The following GMDS variants were observed in gnomAD, a reference collection of about 807,000 sequenced individuals.
GMDS encodes the protein GDP-mannose 4,6 dehydratase.
In GMDS, 20 loss-of-function variants were observed where a neutral mutation model predicts 49.9. The observed-to-expected ratio is 0.40, with a 90% CI of 0.28 to 0.58. GMDS has a LOEUF of 0.58. Ranked by LOEUF, GMDS falls within the 20% of genes least tolerant of loss-of-function variation. The pLI is 0.42. For missense variants in GMDS, 362 were observed against 481.4 expected (o/e 0.75, Z 2.32); for synonymous variants, 177 against 178.6 (o/e 0.99, Z 0.07).
At chr6:1,897,047 A>G (rs1172984932) in intron 7 of GMDS, among the ~76,000 whole-genome samples, 1 of 152,212 alleles carries the variant, frequency 6.6e-6, no homozygotes, top group Non-Finnish European at 1.5e-5. Context: ...CGGGAGGAGC[A>G]GCAGGTGAAC....
intron 7 of GMDS, among the ~76,000 whole-genome samples, chr6:1,911,945 T>G (rs1761081122): frequency 6.6e-6 from 1 of 152,138 alleles, no homozygotes; most frequent in African/African-American, 2.4e-5. Flanking sequence ...TTTTTTTCAA[T>G]GTCTCTAAAC....
At chr6:2,018,228 A>G (rs1315088632) in intron 4 of GMDS, among the ~76,000 whole-genome samples, 3 of 152,228 alleles carry the variant, frequency 2.0e-5, no homozygotes, top group Non-Finnish European at 4.4e-5. Flanking sequence ...ATTATAGAAT[A>G]GAATTACGCT....
At chr6:1,819,738 G>T (rs1439047271) in intron 7 of GMDS, among the ~76,000 whole-genome samples, 1 of 136,830 alleles carries the variant, frequency 7.3e-6, no homozygotes, top group African/African-American at 2.8e-5. Context: ...TCCAGCCTAG[G>T]CAATAAAGTG....
intron 7 of GMDS, among the ~76,000 whole-genome samples, chr6:1,754,208 C>T (rs1382432343): frequency 6.6e-6 from 1 of 152,082 alleles, no homozygotes; most frequent in Non-Finnish European, 1.5e-5. Context: ...GGGACATCAC[C>T]ACTGATCCCA....
chr6:1,666,693 T>C (rs985864189), intron 9 of GMDS, among the ~76,000 whole-genome samples: 2 of 152,236 alleles, frequency 1.3e-5, no homozygotes, highest in Non-Finnish European at 2.9e-5. Flanking sequence ...TTTAAGCTGG[T>C]CCCTCTCTGG....
At chr6:2,100,664 T>A (rs1426093605) in intron 4 of GMDS, among the ~76,000 whole-genome samples, 1 of 152,088 alleles carries the variant, frequency 6.6e-6, no homozygotes, top group East Asian at 1.9e-4. Context: ...AAAATCTATA[T>A]CACTGACGAG....
intron 4 of GMDS, among the ~76,000 whole-genome samples, chr6:2,102,141 T>C (rs1245062848): frequency 6.6e-6 from 1 of 152,120 alleles, no homozygotes; most frequent in Non-Finnish European, 1.5e-5. Flanking sequence ...CCATCATAAA[T>C]TAAAATTGGT....
chr6:1,871,093 C>T (rs901873014), intron 7 of GMDS, among the ~76,000 whole-genome samples: 1 of 150,616 alleles, frequency 6.6e-6, no homozygotes, highest in Non-Finnish European at 1.5e-5. Context: ...CACACTTAAA[C>T]CACTGTCTAA....
chr6:1,722,849 A>T (rs1042202865), intron 9 of GMDS, among the ~76,000 whole-genome samples: 1 of 152,232 alleles, frequency 6.6e-6, no homozygotes, highest in Non-Finnish European at 1.5e-5. Context: ...CAGGGGTCTT[A>T]AGTGGCACAG....
At chr6:1,820,127 T>C (rs1770833952) in intron 7 of GMDS, among the ~76,000 whole-genome samples, 1 of 152,128 alleles carries the variant, frequency 6.6e-6, no homozygotes, top group African/African-American at 2.4e-5. Context: ...GACTTAGCAT[T>C]AATGAAATGA....
intron 7 of GMDS, among the ~76,000 whole-genome samples, chr6:1,840,331 C>A (rs1042685012): frequency 2.0e-5 from 3 of 152,230 alleles, no homozygotes; most frequent in Non-Finnish European, 4.4e-5. Flanking sequence ...CCAGAACATA[C>A]ATCACGTGCC....
At chr6:2,038,761 A>T (rs1769460869) in intron 4 of GMDS, among the ~76,000 whole-genome samples, 1 of 152,230 alleles carries the variant, frequency 6.6e-6, no homozygotes, top group South Asian at 2.1e-4. Flanking sequence ...ATTTGAAGTT[A>T]AAAAACATGA....
chr6:1,795,630 T>C (rs185055380), intron 7 of GMDS, among the ~76,000 whole-genome samples: 1 of 152,320 alleles, frequency 6.6e-6, no homozygotes, highest in East Asian at 1.9e-4. Flanking sequence ...GGAGGAAATA[T>C]GCTTTGAATG....
At chr6:1,969,077 C>G (rs2449970) in intron 4 of GMDS, among the ~76,000 whole-genome samples, 3 of 151,382 alleles carry the variant, frequency 2.0e-5, no homozygotes, top group East Asian at 1.9e-4. Flanking sequence ...CTGGCTAACA[C>G]GGTGAAACCC....
intron 7 of GMDS, among the ~76,000 whole-genome samples, chr6:1,821,071 A>G (rs962788170): frequency 2.6e-5 from 4 of 152,220 alleles, no homozygotes; most frequent in Non-Finnish European, 5.9e-5. Flanking sequence ...TGGACTCTAT[A>G]TATGGATGCA....
intron 7 of GMDS, among the ~76,000 whole-genome samples, chr6:1,898,800 T>G (rs1757250109): frequency 6.6e-6 from 1 of 152,184 alleles, no homozygotes; most frequent in Non-Finnish European, 1.5e-5. Flanking sequence ...TGTATTGATC[T>G]AAGAGATATT....
chr6:1,820,495 T>C (rs1368787301), intron 7 of GMDS, among the ~76,000 whole-genome samples: 1 of 152,216 alleles, frequency 6.6e-6, no homozygotes, highest in Admixed American at 6.5e-5. Flanking sequence ...CTATAAAATT[T>C]AGAATAACTT....
chr6:2,030,316 G>A (rs1768875171), intron 4 of GMDS, among the ~76,000 whole-genome samples: 2 of 152,216 alleles, frequency 1.3e-5, no homozygotes, highest in Non-Finnish European at 2.9e-5. Context: ...ATGCTGGAGA[G>A]CCAAGAAAAA....
At chr6:1,881,817 A>G (rs1759376122) in intron 7 of GMDS, among the ~76,000 whole-genome samples, 1 of 152,192 alleles carries the variant, frequency 6.6e-6, no homozygotes, top group South Asian at 2.1e-4. Flanking sequence ...ATGAAGCAAA[A>G]GACATCACTC....
Sources: gnomAD v4.1 joint callset for allele counts (sites outside exome capture counted in the v4.1 genomes callset) on GRCh38, gnomAD v4.1.1 for gene constraint, MANE v1.5 for transcripts, NCBI Gene and HGNC (gene_info 2026-07-23, HGNC 2026-07-21) for gene names.